The following HLTF variants were observed in gnomAD, a reference collection of about 807,000 sequenced individuals.
HLTF encodes helicase like transcription factor, also known as DNA-dependent ATPase/E3 ubiquitin-protein ligase HLTF.
A neutral mutation model predicts 129.4 loss-of-function variants in HLTF; 127 were observed. The observed-to-expected ratio is 0.98, with a 90% CI of 0.85 to 1.14. The LOEUF (loss-of-function observed/expected upper bound fraction) is 1.14. HLTF is among the 50% of genes most tolerant of loss of function. HLTF has a pLI of 0.00. For synonymous variants in HLTF, 332 were observed against 388.8 expected (o/e 0.85, Z 1.72); for missense variants, 1,139 against 1,187.1 (o/e 0.96, Z 0.60).
At chr3:149,072,036 A>C (rs1718919160) in intron 5 of HLTF, among the ~76,000 whole-genome samples, 1 of 152,174 alleles carries the variant, frequency 6.6e-6, no homozygotes, top group Non-Finnish European at 1.5e-5. Flanking sequence ...CTGGGCAAGA[A>C]AGTGAGACCC....
chr3:149,042,370 C>A, intron 18 of HLTF, 80 bp from the exon 19 acceptor site: 642 of 1,143,224 alleles, frequency 5.6e-4, no homozygotes, highest in Middle Eastern at 1.9e-3. Context: ...AGTAAAATGG[C>A]ATTTTTCTTT....
chr3:149,040,483 A>T (rs1313818975), intron 20 of HLTF, among the ~76,000 whole-genome samples: 2 of 152,012 alleles, frequency 1.3e-5, no homozygotes, highest in Non-Finnish European at 2.9e-5. Flanking sequence ...AATACAATAC[A>T]GCTACACTAT....
chr3:149,084,967 C>A, intron 1 of HLTF, 78 bp from the exon 2 acceptor site: 1 of 969,794 alleles, frequency 1.0e-6, no homozygotes. Context: ...TTTTCTCATG[C>A]TTTACTTCAG....
In HLTF at chr3:149,041,445, C is replaced by T. The variant is rs755509581; in HGVS notation, c.2376+45G>A. 38 of 1,357,098 alleles carry T rather than the reference C, an allele frequency of 2.8e-5. No homozygotes were observed. In the Middle Eastern group the frequency reaches 5.6e-4, roughly 20 times the overall value. The allele number at this position is 1,357,098 out of a possible 1,614,324, so 84.1% of individuals were successfully genotyped here. On this transcript the variant is annotated intron_variant, in intron 20 of 24. Coordinates refer to ENST00000310053, the MANE Select transcript of HLTF (RefSeq NM_003071.4). ...TCTTTTATTATATTAAAGACAGGTACACTACTCTATCAAACACTGAACCTG... is the reference window on the plus strand; with the variant it reads ...TCTTTTATTATATTAAAGACAGGTATACTACTCTATCAAACACTGAACCTG...
intron 1 of HLTF, among the ~76,000 whole-genome samples, chr3:149,085,805 AG>A (rs1320669342): frequency 6.6e-6 from 1 of 152,206 alleles, no homozygotes; most frequent in African/African-American, 2.4e-5. Flanking sequence ...TGAAAAGTGA[AG>A]GGGAGTCTAC....
chr3:149,068,240 C>T lies in HLTF; in HGVS notation c.990G>A (p.Lys330=), dbSNP rs954278635. The change falls in exon 8 of 25, where the codon AAG becomes AAA. Residue 330 remains lysine, a splice_region_variant and synonymous_variant. Coordinates refer to ENST00000310053, the MANE Select transcript of HLTF (RefSeq NM_003071.4). ...IERVKKNLLK[K]EYNVNDDSMK... Reference sequence around the variant, plus strand: ...TAAAGCGCACTTACTACTACTTTACCTTCTTCAGTAGATTCTTTTTAACTC... The same window carrying T: ...TAAAGCGCACTTACTACTACTTTACTTTCTTCAGTAGATTCTTTTTAACTC... 1.5e-5 allele frequency: 21 copies of T among 1,421,200 alleles called. No individual in the cohort carries two copies. The highest frequency in any genetic ancestry group is 4.3e-5 in the African/African-American group (3 of 69,800). The allele number at this position is 1,421,200 out of a possible 1,614,324, so 88.0% of individuals were successfully genotyped here. A position where few individuals can be genotyped will look rare whatever the true frequency, so the allele number is the denominator to read the frequency against.
chr3:149,082,573 A>C (rs2108075396), intron 2 of HLTF, among the ~76,000 whole-genome samples: 1 of 152,338 alleles, frequency 6.6e-6, no homozygotes, highest in Admixed American at 6.5e-5. Flanking sequence ...TACAATCTGT[A>C]TCTTGATTGG....
chr3:149,074,461 T>C (rs1193157590), intron 3 of HLTF, 113 bp from the exon 4 acceptor site: 7 of 1,001,360 alleles, frequency 7.0e-6, no homozygotes, highest in African/African-American at 6.4e-5. Context: ...TGAAGTAAAG[T>C]AATAAGGAAC....
At chr3:149,049,178 G>A (rs970015725) in intron 15 of HLTF, among the ~76,000 whole-genome samples, 177 bp from the exon 16 acceptor site, 17 of 152,034 alleles carry the variant, frequency 1.1e-4, no homozygotes, top group African/African-American at 4.1e-4. Flanking sequence ...GTACTTATTA[G>A]CACACCTAAT....
In HLTF at chr3:149,075,862, A is replaced by G; in HGVS notation, c.395+19T>C. 6.4e-7 allele frequency: 1 copy of G among 1,562,658 alleles called. No homozygotes were observed. The highest frequency in any genetic ancestry group is 8.7e-7 in the Non-Finnish European group (1 of 1,151,046). ...CTATAATTCACAATTATTAAAACTA[A>G]ATTCTGAAAGTACATTACCCTTCAA... On this transcript the variant is annotated intron_variant, in intron 3 of 24. Transcript: ENST00000310053.
At chr3:149,062,993 CA>C in intron 10 of HLTF, 1 of 453,224 alleles carries the variant, frequency 2.2e-6, no homozygotes, top group South Asian at 1.6e-5. Flanking sequence ...TTGGTAGTTT[CA>C]AATAAAAGAA....
At chr3:149,084,345 G>C (rs1720141746) in intron 2 of HLTF, among the ~76,000 whole-genome samples, 2 of 135,764 alleles carry the variant, frequency 1.5e-5, no homozygotes, top group South Asian at 2.3e-4. Context: ...ACGGAGAAAT[G>C]AAAGAATAAA....
In HLTF at chr3:149,048,900, T is replaced by G; in HGVS notation, c.1719A>C (p.Val573=). 6.2e-7 allele frequency: 1 copy of G among 1,613,696 alleles called. No individual in the cohort carries two copies. The highest frequency in any genetic ancestry group is 1.3e-5 in the African/African-American group (1 of 75,040). Reference sequence around the variant, plus strand: ...ATCTTCTTTCTGATTCTAAGTCAAGTACAGCTTTTGTCTGCTGAGCATTTG... The same window carrying G: ...ATCTTCTTTCTGATTCTAAGTCAAGGACAGCTTTTGTCTGCTGAGCATTTG... The part of the protein sequence containing the change: ...RNPNAQQTKA[V]LDLESERRWV... The change falls in exon 16 of 25, where the codon GTA becomes GTC. Residue 573 remains valine (V), a synonymous_variant. Coordinates refer to ENST00000310053, the MANE Select transcript of HLTF (RefSeq NM_003071.4).
Position 149,063,487 on chromosome 3 carries a change from A to G in HLTF, c.1104T>C (p.Asp368=). 1 of 1,611,432 alleles carries G rather than the reference A, an allele frequency of 6.2e-7. No homozygotes were observed. The highest frequency in any genetic ancestry group is 2.2e-5 in the East Asian group (1 of 44,842). ...TGCGAAACTTACTCTTCTCCTTGAT[A>G]TCTGAAATACTGGGTTGTTCACTAC... The part of the protein sequence containing the change: ...SRCSEQPSIS[D]IKEKSKFRMS... Residue 368 remains aspartate, a synonymous_variant, in exon 10 of 25, where the codon GAT becomes GAC. Transcript: ENST00000310053.
chr3:149,038,821 G>T, intron 23 of HLTF, among the ~76,000 whole-genome samples: 1 of 152,082 alleles, frequency 6.6e-6, no homozygotes, highest in South Asian at 2.1e-4. Context: ...CCAAAACAGA[G>T]CATTTAATAA....
At chr3:149,044,913 G>A (rs1468689482) in intron 18 of HLTF, among the ~76,000 whole-genome samples, 1 of 151,972 alleles carries the variant, frequency 6.6e-6, no homozygotes, top group Non-Finnish European at 1.5e-5. Flanking sequence ...ACTGCCACTG[G>A]TCTCCCTACT....
intron 7 of HLTF, among the ~76,000 whole-genome samples, chr3:149,070,092 CAG>C (rs111308670): frequency 0.038 from 5,747 of 152,238 alleles, 289 homozygotes; most frequent in African/African-American, 0.11. Context: ...TTTAACAAAA[CAG>C]GGTATAAAAA....
rs920246098 is a variant in HLTF at position 149,086,511 on chromosome 3, G to T, written c.-175C>A. The T allele has an allele frequency of 9.2e-6, 6 of 655,176 alleles. No individual in the cohort carries two copies. The highest frequency in any genetic ancestry group is 5.5e-5 in the African/African-American group (3 of 54,836). The allele number at this position is 655,176 out of a possible 1,614,324, so 40.6% of individuals were successfully genotyped here. A position where few individuals can be genotyped will look rare whatever the true frequency, so the allele number is the denominator to read the frequency against. ...GCCGCGAGTCCAGTCAGACGTCGAC[G>T]CCGTCTCCTTCTGCAACAATCTGGG... On this transcript the variant is annotated 5_prime_UTR_variant, in exon 1 of 25. Transcript: ENST00000310053.
At chr3:149,068,686 G>C (rs1718607260) in intron 7 of HLTF, among the ~76,000 whole-genome samples, 1 of 152,114 alleles carries the variant, frequency 6.6e-6, no homozygotes, top group Non-Finnish European at 1.5e-5. Flanking sequence ...CGGAGCTAAA[G>C]TGATTAGTAA....
Sources: allele counts gnomAD v4.1 joint callset (sites outside exome capture counted in the v4.1 genomes callset), GRCh38; gene constraint gnomAD v4.1.1; transcripts MANE v1.5; gene names NCBI Gene and HGNC (gene_info 2026-07-23, HGNC 2026-07-21).